The following ERBB4 variants were observed in gnomAD, a reference collection of about 807,000 sequenced individuals.
The protein encoded by ERBB4 is receptor tyrosine-protein kinase erbB-4.
ERBB4 carries 42 observed loss-of-function variants against 158.0 expected under a neutral mutation model. That is an observed-to-expected ratio of 0.27 (90% CI 0.21 to 0.34). ERBB4 has a LOEUF of 0.34. Among genes scored for constraint, ERBB4 ranks in the 10% least tolerant of loss-of-function variants. ERBB4 has a pLI of 1.00. For synonymous variants in ERBB4, 583 were observed against 558.7 expected (o/e 1.04, Z -0.61); for missense variants, 1,333 against 1,624.1 (o/e 0.82, Z 3.08).
intron 20 of ERBB4, among the ~76,000 whole-genome samples, chr2:211,449,206 T>C (rs1451340858): frequency 6.6e-6 from 1 of 152,158 alleles, no homozygotes; most frequent in Non-Finnish European, 1.5e-5. Context: ...ATAAGGTGCA[T>C]TTTCATGTTA....
chr2:211,623,765 G>A (rs1397031472), intron 18 of ERBB4, among the ~76,000 whole-genome samples, 157 bp downstream of exon 18: 1 of 152,086 alleles, frequency 6.6e-6, no homozygotes, highest in African/African-American at 2.4e-5. Flanking sequence ...AAAAATTAAT[G>A]AATTCATTTG....
At chr2:212,189,016 C>A (rs1402262674) in intron 1 of ERBB4, among the ~76,000 whole-genome samples, 7 of 144,930 alleles carry the variant, frequency 4.8e-5, no homozygotes, top group Non-Finnish European at 8.9e-5. Context: ...TTTATCATTA[C>A]AGGTTGAGTA....
intron 17 of ERBB4, among the ~76,000 whole-genome samples, chr2:211,625,365 T>C (rs2069802746): frequency 6.6e-6 from 1 of 152,148 alleles, no homozygotes; most frequent in Admixed American, 6.6e-5. Flanking sequence ...TGGGTATGAA[T>C]TACCATGCTT....
chr2:212,130,606 T>C (rs796627600), intron 1 of ERBB4, among the ~76,000 whole-genome samples: 1 of 152,154 alleles, frequency 6.6e-6, no homozygotes, highest in South Asian at 2.1e-4. Flanking sequence ...ATCAGCACTC[T>C]ATTTGCTTAC....
chr2:212,374,321 A>G (rs1221959630), intron 1 of ERBB4, among the ~76,000 whole-genome samples: 1 of 151,726 alleles, frequency 6.6e-6, no homozygotes, highest in Non-Finnish European at 1.5e-5. Flanking sequence ...TGAATTAAAA[A>G]TCCATAAAAT....
chr2:211,916,441 A>T (rs2079694447), intron 3 of ERBB4, among the ~76,000 whole-genome samples: 1 of 152,142 alleles, frequency 6.6e-6, no homozygotes, highest in Admixed American at 6.6e-5. Flanking sequence ...CGGCCTCCCA[A>T]AGCACTGGGA....
chr2:211,821,862 G>T (rs1394459432), intron 3 of ERBB4, among the ~76,000 whole-genome samples: 3 of 151,848 alleles, frequency 2.0e-5, no homozygotes, highest in Non-Finnish European at 4.4e-5. Context: ...ATTCAAAATG[G>T]ATCAAAGACC....
chr2:212,507,172 T>C (rs1327455361), intron 1 of ERBB4, among the ~76,000 whole-genome samples: 2 of 151,544 alleles, frequency 1.3e-5, no homozygotes. Flanking sequence ...TATGACAGCA[T>C]GAATATTTTA....
At chr2:211,400,363 C>T (rs765018408) in intron 25 of ERBB4, among the ~76,000 whole-genome samples, 4 of 152,098 alleles carry the variant, frequency 2.6e-5, no homozygotes, top group Non-Finnish European at 4.4e-5. Context: ...CCAAGTATCC[C>T]TCACACAAAA....
chr2:211,632,278 T>C (rs1190890372), intron 16 of ERBB4, among the ~76,000 whole-genome samples: 1 of 152,112 alleles, frequency 6.6e-6, no homozygotes, highest in Admixed American at 6.6e-5. Flanking sequence ...TGTAAGATCA[T>C]ATTTTTGATC....
At chr2:212,094,349 A>G (rs1368121964) in intron 2 of ERBB4, among the ~76,000 whole-genome samples, 3 of 146,434 alleles carry the variant, frequency 2.0e-5, no homozygotes, top group Non-Finnish European at 3.0e-5. Flanking sequence ...TCCTTTAAAT[A>G]TGAATAGTTT....
In ERBB4 at chr2:211,982,674, G is replaced by A. The variant is rs374352487; in HGVS notation, c.235-35058C>T. ...TCCTAGAGGAGCCTTCAGGTTATCC[G>A]ATTCTATAGGGCTCTGACCCTTTAT... On this transcript the variant is annotated intron_variant, in intron 2 of 27. Coordinates refer to ENST00000342788, the MANE Select transcript of ERBB4 (RefSeq NM_005235.3). Among the ~76,000 whole-genome samples, 5 of 152,278 alleles carry A rather than the reference G, an allele frequency of 3.3e-5. No individual in the cohort carries two copies. In the East Asian group the frequency reaches 9.6e-4, roughly 29 times the overall value.
chr2:211,633,207 A>G (rs542304359), intron 16 of ERBB4, among the ~76,000 whole-genome samples: 10 of 152,274 alleles, frequency 6.6e-5, no homozygotes, highest in East Asian at 1.9e-4. Flanking sequence ...CAAACCAGTT[A>G]TAGAGTCTTT....
chr2:212,295,544 T>C lies in ERBB4; in HGVS notation c.83-170641A>G, dbSNP rs140153859. Among the ~76,000 whole-genome samples, 105 of 152,190 alleles carry C rather than the reference T, an allele frequency of 6.9e-4. 1 individual carries two copies. The highest frequency in any genetic ancestry group is 2.4e-3 in the African/African-American group (101 of 41,570). On this transcript the variant is annotated intron_variant, in intron 1 of 27. Coordinates refer to ENST00000342788, the MANE Select transcript of ERBB4 (RefSeq NM_005235.3). ...CACACACACAAATTATTGTACACTA[T>C]GCCGCCAAATTACTGACATCACGAC...
chr2:212,473,928 TA>T (rs1367423183), intron 1 of ERBB4, among the ~76,000 whole-genome samples: 1 of 152,144 alleles, frequency 6.6e-6, no homozygotes, highest in Non-Finnish European at 1.5e-5. Context: ...ATATCCATAT[TA>T]ATCCTGAATA....
chr2:212,235,560 A>G (rs1331635624), intron 1 of ERBB4, among the ~76,000 whole-genome samples: 1 of 152,168 alleles, frequency 6.6e-6, no homozygotes, highest in Non-Finnish European at 1.5e-5. Flanking sequence ...TACTTTGGGC[A>G]GTTTGGCCAT....
At chr2:211,734,009 T>A (rs1421681962) in intron 5 of ERBB4, among the ~76,000 whole-genome samples, 2 of 151,980 alleles carry the variant, frequency 1.3e-5, no homozygotes, top group Non-Finnish European at 2.9e-5. Flanking sequence ...GCCACTGTCC[T>A]CCAGCCTGGG....
intron 20 of ERBB4, among the ~76,000 whole-genome samples, chr2:211,435,674 AG>A (rs2063834958): frequency 6.6e-6 from 1 of 152,174 alleles, no homozygotes; most frequent in East Asian, 1.9e-4. Flanking sequence ...CGAGCGATCT[AG>A]GTTGTGCACT....
At chr2:211,633,641 T>C (rs1319048939) in intron 16 of ERBB4, among the ~76,000 whole-genome samples, 2 of 148,086 alleles carry the variant, frequency 1.4e-5, no homozygotes, top group Non-Finnish European at 3.0e-5. Context: ...CTTGAGGTAA[T>C]GTATTAATTA....
Sources: gnomAD v4.1 joint callset for allele counts (sites outside exome capture counted in the v4.1 genomes callset) on GRCh38, gnomAD v4.1.1 for gene constraint, MANE v1.5 for transcripts, NCBI Gene and HGNC (gene_info 2026-07-23, HGNC 2026-07-21) for gene names.